The following RGSL1 variants were observed in gnomAD, a reference collection of about 807,000 sequenced individuals.
RGSL1 encodes regulator of G protein signaling protein-like.
In RGSL1, 97 loss-of-function variants were observed where a neutral mutation model predicts 124.7. The observed-to-expected ratio is 0.78, with a 90% CI of 0.66 to 0.92. The LOEUF (loss-of-function observed/expected upper bound fraction) is 0.92, where lower values mean the gene tolerates loss of function less well. Among genes scored for constraint, RGSL1 ranks in the 40% least tolerant of loss-of-function variants. RGSL1 has a pLI of 0.00. For synonymous variants in RGSL1, 424 were observed against 438.1 expected, an observed-to-expected ratio of 0.97 and a Z score of 0.40; for missense variants, 1,233 against 1,288.4, an observed-to-expected ratio of 0.96 and a Z score of 0.66.
In RGSL1 at chr1:182,530,795, A is replaced by G; in HGVS notation, c.2249A>G (p.Lys750Arg). Residue 750 changes from lysine to arginine, a missense_variant, in exon 13 of 22, where the codon AAA becomes AGA. Physicochemically the swap from Lys to Arg is conservative, Grantham distance 26. Coordinates refer to ENST00000294854, the MANE Select transcript of RGSL1 (RefSeq NM_001137669.2). ...TACTGATGTCCTTCTGACAGGTTTA[A>G]AGATTATCAAGACCTGTTCCCACCT... ...VMKSIEEKWF[K>R]DYQDLFPPHH... is the part of the protein sequence containing the mutation. 6.5e-7 allele frequency: 1 copy of G among 1,538,034 alleles called. No individual in the cohort carries two copies. The highest frequency in any genetic ancestry group is 2.5e-5 in the East Asian group (1 of 40,644).
chr1:182,471,943 A>C (rs1653880743), intron 4 of RGSL1, among the ~76,000 whole-genome samples: 1 of 152,158 alleles, frequency 6.6e-6, no homozygotes, highest in African/African-American at 2.4e-5. Context: ...TACATCTTTC[A>C]CTTTGCCACT....
intron 19 of RGSL1, among the ~76,000 whole-genome samples, chr1:182,553,877 T>TATC (rs1413490110): frequency 1.3e-5 from 2 of 152,170 alleles, no homozygotes; most frequent in East Asian, 3.9e-4. Context: ...ATTAAGAGAC[T>TATC]ATCACAGTGT....
At position 182,556,099 on chromosome 1, in the gene RGSL1, C is replaced by G. The variant is rs768064524; in HGVS notation, c.*42C>G. On this transcript the variant is annotated 3_prime_UTR_variant, in exon 21 of 22. Transcript: ENST00000294854. ...GCAGAGATAAATCATCTCTTAGAGG[C>G]CTCCTAACACTGACAGAAACTTTTC... 1.4e-5 allele frequency: 21 copies of G among 1,518,190 alleles called. No individual in the cohort carries two copies. The South Asian group carries it at 2.5e-4, about 18-fold the overall frequency. 94.0% of individuals were successfully genotyped at this position (1,518,190 alleles called of 1,614,324 possible). A position where few individuals can be genotyped will look rare whatever the true frequency, so the allele number is the denominator to read the frequency against.
At position 182,548,829 on chromosome 1, in the gene RGSL1, CTG is replaced by C; in HGVS notation, c.2933+7_2933+8del. 6.4e-7 allele frequency: 1 copy of C among 1,551,374 alleles called. No individual in the cohort carries two copies. The highest frequency in any genetic ancestry group is 8.7e-7 in the Non-Finnish European group (1 of 1,146,862). On this transcript the variant is annotated splice_donor_region_variant and intron_variant, in intron 17 of 21. Coordinates refer to ENST00000294854, the MANE Select transcript of RGSL1 (RefSeq NM_001137669.2). ...TGTTATGTACTTCTGGAAAAGGTAA[CTG>C]TTTCTCCTTATTCAGTGACTGTTAG...
At chr1:182,466,930 G>A (rs987497738) in intron 4 of RGSL1, among the ~76,000 whole-genome samples, 3 of 152,134 alleles carry the variant, frequency 2.0e-5, no homozygotes, top group African/African-American at 7.2e-5. Context: ...CAAGTTTACA[G>A]CAATCAACAC....
intron 4 of RGSL1, among the ~76,000 whole-genome samples, chr1:182,469,563 G>A (rs1653644812): frequency 6.6e-6 from 1 of 152,172 alleles, no homozygotes; most frequent in Non-Finnish European, 1.5e-5. Context: ...TGGCGGGACT[G>A]TAAAATGGTA....
intron 18 of RGSL1, 93 bp from the exon 19 acceptor site, chr1:182,553,362 T>A: frequency 1.2e-6 from 1 of 862,126 alleles, no homozygotes; most frequent in Non-Finnish European, 1.9e-6. Flanking sequence ...AATCTAAGTG[T>A]GTTAAACAAG....
At chr1:182,450,296 G>A (rs919573997) in intron 1 of RGSL1, 118 bp downstream of exon 1, 1 of 1,109,156 alleles carries the variant, frequency 9.0e-7, no homozygotes, top group Non-Finnish European at 1.3e-6. Context: ...TGACTTTTGT[G>A]TTATTCATGC....
chr1:182,487,470 C>A (rs1002337640), intron 6 of RGSL1, among the ~76,000 whole-genome samples: 1 of 152,178 alleles, frequency 6.6e-6, no homozygotes, highest in African/African-American at 2.4e-5. Flanking sequence ...TATCCCGATG[C>A]CTTTGCTTAA....
At chr1:182,485,817 G>GA (rs112382718) in intron 6 of RGSL1, among the ~76,000 whole-genome samples, 1,568 of 152,082 alleles carry the variant, frequency 0.01, 20 homozygotes, top group African/African-American at 0.031. Context: ...TTATAGTAGG[G>GA]AAAAAAATCA....
intron 15 of RGSL1, 84 bp from the exon 16 acceptor site, chr1:182,548,233 C>T: frequency 6.8e-7 from 1 of 1,469,050 alleles, no homozygotes; most frequent in African/African-American, 1.4e-5. Flanking sequence ...TTTTTTGGGC[C>T]AGAAATGAGT....
At chr1:182,493,677 ATGTGAATGCCCC>A (rs1000153332) in intron 9 of RGSL1, among the ~76,000 whole-genome samples, 2 of 152,120 alleles carry the variant, frequency 1.3e-5, no homozygotes, top group Non-Finnish European at 2.9e-5. Context: ...TCCACGGGAG[ATGTGAATGCCCC>A]TGTGAAGGAT....
chr1:182,539,155 C>G (rs1333541415), intron 14 of RGSL1, among the ~76,000 whole-genome samples: 1 of 152,142 alleles, frequency 6.6e-6, no homozygotes, highest in Non-Finnish European at 1.5e-5. Flanking sequence ...TTAGGTCTCC[C>G]CCTCTACCAC....
chr1:182,489,065 A>G lies in RGSL1; in HGVS notation c.1580A>G (p.Gln527Arg), dbSNP rs1242306491. Residue 527 changes from glutamine to arginine, a missense_variant, in exon 8 of 22, where the codon CAG becomes CGG. Transcript: ENST00000294854. ...EENILLYKRI[Q>R]QSLELSQALA... is the part of the protein sequence containing the mutation. Reference sequence around the variant, plus strand: ...AACATTCTTCTTTATAAGAGGATTCAGCAGTCTCTAGAGTTAAGCCAGGCT... The same window carrying G: ...AACATTCTTCTTTATAAGAGGATTCGGCAGTCTCTAGAGTTAAGCCAGGCT... The G allele has an allele frequency of 4.5e-6, 7 of 1,551,600 alleles. No homozygotes were observed. Among genetic ancestry groups the G allele is most frequent in the Non-Finnish European group, 5.2e-6 (6 of 1,147,014 alleles).
chr1:182,448,883 G>A (rs146799585), upstream of RGSL1, among the ~76,000 whole-genome samples: 15 of 152,182 alleles, frequency 9.9e-5, no homozygotes, highest in East Asian at 2.9e-3. Flanking sequence ...AAGACGGTGG[G>A]GCAGCAATTA....
chr1:182,506,567 A>C (rs935241192), intron 9 of RGSL1, among the ~76,000 whole-genome samples: 9 of 151,976 alleles, frequency 5.9e-5, no homozygotes, highest in Non-Finnish European at 7.4e-5. Context: ...CCATCTTTTT[A>C]TTCTTTAATA....
chr1:182,464,624 T>G (rs1281611708), intron 4 of RGSL1, among the ~76,000 whole-genome samples: 1 of 151,174 alleles, frequency 6.6e-6, no homozygotes, highest in Non-Finnish European at 1.5e-5. Flanking sequence ...CTTGGGAGGC[T>G]GAGGCAGGAG....
intron 1 of RGSL1, among the ~76,000 whole-genome samples, chr1:182,451,108 T>C (rs571259820): frequency 7.0e-6 from 1 of 141,848 alleles, no homozygotes; most frequent in African/African-American, 2.7e-5. Context: ...ATCTTGCCAC[T>C]GCATTCCAGC....
At chr1:182,521,345 A>G (rs1194048378) in intron 9 of RGSL1, among the ~76,000 whole-genome samples, 1 of 152,210 alleles carries the variant, frequency 6.6e-6, no homozygotes, top group African/African-American at 2.4e-5. Context: ...TGCTGGGATT[A>G]TAGGCATGAG....
Sources: gnomAD v4.1 joint callset for allele counts (sites outside exome capture counted in the v4.1 genomes callset) on GRCh38, gnomAD v4.1.1 for gene constraint, MANE v1.5 for transcripts, NCBI Gene and HGNC (gene_info 2026-07-23, HGNC 2026-07-21) for gene names.